The following PRKCA variants were observed in gnomAD, a reference collection of about 807,000 sequenced individuals.
PRKCA encodes the protein protein kinase C alpha.
A neutral mutation model predicts 87.0 loss-of-function variants in PRKCA; 27 were observed. The observed-to-expected ratio is 0.31, with a 90% CI of 0.23 to 0.43. The LOEUF is 0.43. Ranked by LOEUF, PRKCA falls within the 20% of genes least tolerant of loss-of-function variation. PRKCA has a pLI of 1.00. For missense variants in PRKCA, 518 were observed against 852.3 expected, an observed-to-expected ratio of 0.61 and a Z score of 4.88; for synonymous variants, 329 against 311.1, an observed-to-expected ratio of 1.06 and a Z score of -0.61.
At chr17:66,717,788 C>T (rs1461680240) in intron 8 of PRKCA, among the ~76,000 whole-genome samples, 2 of 152,202 alleles carry the variant, frequency 1.3e-5, no homozygotes, top group East Asian at 3.9e-4. Flanking sequence ...GGTCAGACTC[C>T]CCAGGGACCC....
chr17:66,505,371 T>C (rs189241997), intron 3 of PRKCA, among the ~76,000 whole-genome samples: 1 of 152,230 alleles, frequency 6.6e-6, no homozygotes, highest in Non-Finnish European at 1.5e-5. Flanking sequence ...TGTCTGCACC[T>C]GATTAGCTGG....
intron 3 of PRKCA, among the ~76,000 whole-genome samples, chr17:66,634,065 A>C (rs1481179067): frequency 6.6e-6 from 1 of 152,248 alleles, no homozygotes; most frequent in Non-Finnish European, 1.5e-5. Context: ...TGATGGTGAT[A>C]AAGAGAAACT....
At chr17:66,567,410 G>A (rs1348186557) in intron 3 of PRKCA, among the ~76,000 whole-genome samples, 4 of 152,186 alleles carry the variant, frequency 2.6e-5, no homozygotes, top group Admixed American at 2.6e-4. Flanking sequence ...GCAGATTGTT[G>A]CTAAGCCGTG....
intron 14 of PRKCA, among the ~76,000 whole-genome samples, chr17:66,776,109 C>T (rs1018145144): frequency 2.0e-5 from 3 of 152,170 alleles, no homozygotes; most frequent in Admixed American, 6.5e-5. Flanking sequence ...AATGGAAGCT[C>T]CCAGCAGGGC....
At chr17:66,680,073 C>A (rs373939033) in intron 5 of PRKCA, among the ~76,000 whole-genome samples, 2 of 152,172 alleles carry the variant, frequency 1.3e-5, no homozygotes, top group Non-Finnish European at 2.9e-5. Context: ...GTTGTGGAAG[C>A]GTCCTTCACT....
chr17:66,517,227 T>A (rs1191765088), intron 3 of PRKCA, among the ~76,000 whole-genome samples: 1 of 152,110 alleles, frequency 6.6e-6, no homozygotes, highest in Non-Finnish European at 1.5e-5. Context: ...GAGGTTGCAG[T>A]GAGCTGAGAT....
At chr17:66,649,899 G>A (rs1405556876) in intron 5 of PRKCA, among the ~76,000 whole-genome samples, 1 of 152,222 alleles carries the variant, frequency 6.6e-6, no homozygotes, top group Non-Finnish European at 1.5e-5. Context: ...ACCCTGTGGA[G>A]AAGCAGCCGA....
At position 66,330,396 on chromosome 17, in the gene PRKCA, C is replaced by G. The variant is rs548374249; in HGVS notation, c.205+24269C>G. On this transcript the variant is annotated intron_variant, in intron 2 of 16. Coordinates refer to ENST00000413366, the MANE Select transcript of PRKCA (RefSeq NM_002737.3). ...TGCTGGGATTACAGGCGTGAGCCATCGCACCTGGCCCCTGGAGATAATATT... is the reference window on the plus strand; with the variant it reads ...TGCTGGGATTACAGGCGTGAGCCATGGCACCTGGCCCCTGGAGATAATATT... Among the ~76,000 whole-genome samples the G allele has an allele frequency of 7.2e-5, 11 of 152,252 alleles. No homozygotes were observed. In the South Asian group the frequency reaches 2.3e-3, roughly 32 times the overall value.
At chr17:66,372,358 G>T (rs573012980) in intron 2 of PRKCA, among the ~76,000 whole-genome samples, 10 of 152,246 alleles carry the variant, frequency 6.6e-5, no homozygotes, top group Non-Finnish European at 1.2e-4. Context: ...ACACCCACTC[G>T]GAGTTTTCTT....
intron 2 of PRKCA, among the ~76,000 whole-genome samples, chr17:66,409,479 A>G (rs2143732779): frequency 6.6e-6 from 1 of 152,228 alleles, no homozygotes; most frequent in East Asian, 1.9e-4. Context: ...CTGCATTAGT[A>G]TACCTGATAG....
At chr17:66,764,941 G>C (rs984967318) in intron 13 of PRKCA, among the ~76,000 whole-genome samples, 2 of 152,292 alleles carry the variant, frequency 1.3e-5, no homozygotes, top group Admixed American at 1.3e-4. Flanking sequence ...TCAGCCCAAA[G>C]CTGGCTCCCT....
At chr17:66,439,542 G>A (rs1913608295) in intron 2 of PRKCA, among the ~76,000 whole-genome samples, 1 of 152,178 alleles carries the variant, frequency 6.6e-6, no homozygotes, top group Admixed American at 6.5e-5. Flanking sequence ...AAATGGCATA[G>A]GCTGGCCTAT....
chr17:66,759,073 G>A (rs1974620561), intron 13 of PRKCA, among the ~76,000 whole-genome samples: 1 of 152,102 alleles, frequency 6.6e-6, no homozygotes, highest in East Asian at 1.9e-4. Context: ...AGTAGACTTG[G>A]GCTGGGCGTG....
intron 3 of PRKCA, among the ~76,000 whole-genome samples, chr17:66,609,962 G>C (rs917329309): frequency 2.0e-5 from 3 of 151,892 alleles, no homozygotes; most frequent in Admixed American, 1.3e-4. Context: ...CACCAACCGG[G>C]TGTCCTATAG....
intron 2 of PRKCA, among the ~76,000 whole-genome samples, chr17:66,328,792 C>A (rs377500746): frequency 3.9e-5 from 6 of 152,094 alleles, no homozygotes; most frequent in Non-Finnish European, 7.4e-5. Context: ...AGCCGGACTC[C>A]GTCTCAAAAC....
chr17:66,580,712 T>C (rs955938505), intron 3 of PRKCA, among the ~76,000 whole-genome samples: 4 of 152,210 alleles, frequency 2.6e-5, no homozygotes, highest in Non-Finnish European at 4.4e-5. Context: ...AACACACTTA[T>C]GATCAAAACA....
chr17:66,442,867 T>C (rs1913844849), intron 2 of PRKCA, among the ~76,000 whole-genome samples: 1 of 152,194 alleles, frequency 6.6e-6, no homozygotes, highest in Non-Finnish European at 1.5e-5. Flanking sequence ...CTTCCAGAAT[T>C]GAGTGGTTAT....
At chr17:66,511,925 C>T (rs1426986680) in intron 3 of PRKCA, among the ~76,000 whole-genome samples, 1 of 151,980 alleles carries the variant, frequency 6.6e-6, no homozygotes, top group African/African-American at 2.4e-5. Context: ...GGGTGTTCTA[C>T]CCCCCTCAGC....
At chr17:66,605,524 C>CCTTTGGAAGCTGTACAGTA (rs1319804296) in intron 3 of PRKCA, among the ~76,000 whole-genome samples, 3 of 152,168 alleles carry the variant, frequency 2.0e-5, no homozygotes, top group East Asian at 3.9e-4. Flanking sequence ...TGGTACAGCT[C>CCTTTGGAAGCTGTACAGTA]CTTTGGAAGA....
Sources: gnomAD v4.1 joint callset for allele counts (sites outside exome capture counted in the v4.1 genomes callset) on GRCh38, gnomAD v4.1.1 for gene constraint, MANE v1.5 for transcripts, NCBI Gene and HGNC (gene_info 2026-07-23, HGNC 2026-07-21) for gene names.